Variants in PIP4P1 observed in about 807,000 individuals in gnomAD.
PIP4P1 encodes the protein phosphatidylinositol-4,5-bisphosphate 4-phosphatase 1.
PIP4P1 carries 14 observed loss-of-function variants against 32.3 expected under a neutral mutation model. The ratio of observed to expected loss-of-function variants is 0.43; its 90% CI spans 0.29 to 0.68. The LOEUF is 0.68. Ranked by LOEUF, PIP4P1 falls within the 30% of genes least tolerant of loss-of-function variation. The pLI is 0.15. For synonymous variants in PIP4P1, 132 were observed against 137.9 expected, an observed-to-expected ratio of 0.96 and a Z score of 0.30; for missense variants, 289 against 364.5, an observed-to-expected ratio of 0.79 and a Z score of 1.69.
chr14:20,457,790 C>A lies in PIP4P1; in HGVS notation c.*769G>T. The A allele has an allele frequency of 2.1e-6, 1 of 484,286 alleles. No homozygotes were observed. The highest frequency in any genetic ancestry group is 3.7e-6 in the Non-Finnish European group (1 of 267,452). The allele number at this position is 484,286 out of a possible 1,614,324, so 30.0% of individuals were successfully genotyped here. ...TCAGCCTTGCTGTCTTCGTGTCTTA[C>A]CCCTTCGTGGGGCTACACATTCTCT... On this transcript the variant is annotated 3_prime_UTR_variant, in exon 7 of 7. Coordinates refer to ENST00000250489, the MANE Select transcript of PIP4P1 (RefSeq NM_144568.4).
chr14:20,458,512 C>A lies in PIP4P1; in HGVS notation c.*47G>T. On this transcript the variant is annotated 3_prime_UTR_variant, in exon 7 of 7. Transcript: ENST00000250489. ...TACCCCAGCTCCCTTCGTAGTGTCACTGTCCCCACCAGGGAGGGGCCAGGC... is the reference window on the plus strand; with the variant it reads ...TACCCCAGCTCCCTTCGTAGTGTCAATGTCCCCACCAGGGAGGGGCCAGGC... 1 of 1,605,904 alleles carries A rather than the reference C, an allele frequency of 6.2e-7. No individual in the cohort carries two copies. The highest frequency in any genetic ancestry group is 8.5e-7 in the Non-Finnish European group (1 of 1,175,736).
intron 6 of PIP4P1, 31 bp downstream of exon 6, chr14:20,459,175 G>C: frequency 6.2e-7 from 1 of 1,610,172 alleles, no homozygotes; most frequent in Non-Finnish European, 8.5e-7. Flanking sequence ...TGAGGCTGCA[G>C]AATGAAAGAG....
Position 20,457,842 on chromosome 14 carries a change from A to T in PIP4P1, c.*717T>A. 2.6e-6 allele frequency: 1 copy of T among 391,166 alleles called. No individual in the cohort carries two copies. The highest frequency in any genetic ancestry group is 2.2e-5 in the South Asian group (1 of 45,484). 24.2% of individuals were successfully genotyped at this position (391,166 alleles called of 1,614,324 possible). ...CCTCATATTTTCATGCACACAAGTT[A>T]ACAACTGAAAAAGCGTAGAGTCATG... is the stretch of plus-strand genomic sequence containing the variant. On this transcript the variant is annotated 3_prime_UTR_variant, in exon 7 of 7. Coordinates refer to ENST00000250489, the MANE Select transcript of PIP4P1 (RefSeq NM_144568.4).
chr14:20,461,118 C>A, intron 1 of PIP4P1, 66 bp downstream of exon 1: 1 of 1,270,722 alleles, frequency 7.9e-7, no homozygotes, highest in Non-Finnish European at 9.9e-7. Flanking sequence ...CCCTCCCCGG[C>A]TTTCAGAGTA....
At chr14:20,460,870 C>G in intron 1 of PIP4P1, 25 bp from the exon 2 acceptor site, 1 of 1,531,608 alleles carries the variant, frequency 6.5e-7, no homozygotes, top group Non-Finnish European at 8.7e-7. Flanking sequence ...AATAGAAGGG[C>G]TGGGATCACT....
At chr14:20,460,335 A>T in intron 2 of PIP4P1, 37 bp from the exon 3 acceptor site, 1 of 1,456,496 alleles carries the variant, frequency 6.9e-7, no homozygotes, top group African/African-American at 1.4e-5. Flanking sequence ...GCAAACCTCT[A>T]ATCCCAATCC....
In PIP4P1 at chr14:20,460,957, C is replaced by A. The variant is rs1760942; in HGVS notation, c.143-112G>T. On this transcript the variant is annotated intron_variant, in intron 1 of 6. Transcript: ENST00000250489. Reference sequence around the variant, plus strand: ...CCCTCTGACCAAGCTCGGAGGGCTTCTCATAATTGGCACTTCTATCAGGTT... The same window carrying A: ...CCCTCTGACCAAGCTCGGAGGGCTTATCATAATTGGCACTTCTATCAGGTT... The A allele has an allele frequency of 6.9e-3, 9,088 of 1,322,508 alleles. 491 individuals are homozygous for A. The African/African-American group carries it at 0.12, about 18-fold the overall frequency. 81.9% of individuals were successfully genotyped at this position (1,322,508 alleles called of 1,614,324 possible).
chr14:20,458,183 G>C lies in PIP4P1; in HGVS notation c.*376C>G. 1 of 427,844 alleles carries C rather than the reference G, an allele frequency of 2.3e-6. No homozygotes were observed. The highest frequency in any genetic ancestry group is 2.7e-5 in the Admixed American group (1 of 36,486). The allele number at this position is 427,844 out of a possible 1,614,324, so 26.5% of individuals were successfully genotyped here. On this transcript the variant is annotated 3_prime_UTR_variant, in exon 7 of 7. Coordinates refer to ENST00000250489, the MANE Select transcript of PIP4P1 (RefSeq NM_144568.4). ...GCAGCAAAGTCCTAATGGTGCACAA[G>C]AGGGAGGGGAACCCCCAGGGCTACC...
chr14:20,459,575 C>G (rs1009228604), intron 4 of PIP4P1, 53 bp downstream of exon 4: 1 of 1,576,216 alleles, frequency 6.3e-7, no homozygotes, highest in Non-Finnish European at 8.7e-7. Context: ...GAAATATACT[C>G]GAAATGACTC....
chr14:20,460,869 G>A (rs768138673), intron 1 of PIP4P1, 24 bp from the exon 2 acceptor site: 11 of 1,531,904 alleles, frequency 7.2e-6, no homozygotes, highest in Non-Finnish European at 9.6e-6. Context: ...AAATAGAAGG[G>A]CTGGGATCAC....
rs757256595 is a variant in PIP4P1 at position 20,459,282 on chromosome 14, C to T, written c.614G>A (p.Arg205His). ...PHCRKVSSIG[R>H]RYPRKRCICC... Reference sequence around the variant, plus strand: ...GATACATCTCTTACGTGGGTATCTGCGCCCAATAGATGACCTGTGGGGAGG... The same window carrying T: ...GATACATCTCTTACGTGGGTATCTGTGCCCAATAGATGACCTGTGGGGAGG... Residue 205 changes from arginine to histidine, a missense_variant, in exon 6 of 7, where the codon CGC becomes CAC. Arg to His is a conservative substitution (Grantham distance 29). Around this residue, in one of 2 missense-constraint regions of PIP4P1, gnomAD observed 181 missense variants for 263.3 expected, o/e 0.69. Transcript: ENST00000250489. 6.2e-6 allele frequency: 10 copies of T among 1,614,082 alleles called. No individual in the cohort carries two copies. The highest frequency in any genetic ancestry group is 2.7e-5 in the African/African-American group (2 of 74,922).
chr14:20,461,076 G>A (rs532808880), intron 1 of PIP4P1, 108 bp downstream of exon 1: 22 of 1,268,974 alleles, frequency 1.7e-5, no homozygotes, highest in Non-Finnish European at 2.1e-5. Context: ...CGCACCTGGC[G>A]ACTGGGACCC....
chr14:20,459,102 G>A (rs762120165), intron 6 of PIP4P1, 104 bp downstream of exon 6: 4 of 1,212,712 alleles, frequency 3.3e-6, no homozygotes, highest in Admixed American at 2.1e-5. Flanking sequence ...AAACAAACTA[G>A]TCCCCCAAGT....
At position 20,461,114 on chromosome 14, in the gene PIP4P1, C is replaced by T. The variant is rs536874506; in HGVS notation, c.142+70G>A. Reference sequence around the variant, plus strand: ...CTCCGCCCTCGGTCCCGCCCCCTCCCCGGCTTTCAGAGTACCCCGGGGAGC... The same window carrying T: ...CTCCGCCCTCGGTCCCGCCCCCTCCTCGGCTTTCAGAGTACCCCGGGGAGC... On this transcript the variant is annotated intron_variant, in intron 1 of 6. Coordinates refer to ENST00000250489, the MANE Select transcript of PIP4P1 (RefSeq NM_144568.4). 1.0e-5 allele frequency: 13 copies of T among 1,270,584 alleles called. No individual in the cohort carries two copies. The East Asian group carries it at 3.8e-4, about 37-fold the overall frequency. 78.7% of individuals were successfully genotyped at this position (1,270,584 alleles called of 1,614,324 possible).
chr14:20,458,808 T>G, intron 6 of PIP4P1, 106 bp from the exon 7 acceptor site: 1 of 1,422,418 alleles, frequency 7.0e-7, no homozygotes, highest in East Asian at 2.3e-5. Flanking sequence ...TCAGTCCTTG[T>G]TCCTTATCCA....
Position 20,460,575 on chromosome 14 carries a change from G to A in PIP4P1, c.333+80C>T, listed in dbSNP as rs1464581666. The A allele has an allele frequency of 1.0e-5, 15 of 1,469,872 alleles. No individual in the cohort carries two copies. In the East Asian group the frequency reaches 2.1e-4, roughly 20 times the overall value. The allele number at this position is 1,469,872 out of a possible 1,614,324, so 91.1% of individuals were successfully genotyped here. ...CATCAAAAGCACTTGGCTAATAGCCGGAAGGTCAGGGTCTAGAACCAAGAC... is the reference window on the plus strand; with the variant it reads ...CATCAAAAGCACTTGGCTAATAGCCAGAAGGTCAGGGTCTAGAACCAAGAC... On this transcript the variant is annotated intron_variant, in intron 2 of 6. Coordinates refer to ENST00000250489, the MANE Select transcript of PIP4P1 (RefSeq NM_144568.4).
At chr14:20,459,832 G>A in intron 3 of PIP4P1, 99 bp from the exon 4 acceptor site, 1 of 843,460 alleles carries the variant, frequency 1.2e-6, no homozygotes, top group South Asian at 1.5e-5. Flanking sequence ...CCCACTCCCT[G>A]TCTATTAAGT....
chr14:20,461,118 C>G, intron 1 of PIP4P1, 66 bp downstream of exon 1: 6 of 1,270,722 alleles, frequency 4.7e-6, no homozygotes, highest in Non-Finnish European at 6.0e-6. Flanking sequence ...CCCTCCCCGG[C>G]TTTCAGAGTA....
intron 2 of PIP4P1, 75 bp downstream of exon 2, chr14:20,460,580 G>T (rs1881663173): frequency 6.6e-7 from 1 of 1,509,858 alleles, no homozygotes; most frequent in Non-Finnish European, 9.0e-7. Context: ...TAGCCGGAAG[G>T]TCAGGGTCTA....
Sources: gnomAD v4.1 joint callset for allele counts on GRCh38, gnomAD v4.1.1 for gene constraint, gnomAD v4.1.1 regional missense constraint, MANE v1.5 for transcripts, NCBI Gene and HGNC (gene_info 2026-07-23, HGNC 2026-07-21) for gene names.